Variants in AK6 observed in about 807,000 individuals in gnomAD.
The protein encoded by AK6 is adenylate kinase isoenzyme 6.
AK6 carries 24 observed loss-of-function variants against 23.7 expected under a neutral mutation model. The observed-to-expected ratio is 1.01, with a 90% CI of 0.73 to 1.43. The LOEUF (loss-of-function observed/expected upper bound fraction) is 1.43, where lower values mean the gene tolerates loss of function less well. Among genes scored for constraint, AK6 ranks in the 40% most tolerant of loss-of-function variants. The pLI, the probability that AK6 is intolerant of heterozygous loss-of-function variation, is 0.00. For synonymous variants in AK6, 73 were observed against 69.8 expected, an observed-to-expected ratio of 1.05 and a Z score of -0.23; for missense variants, 191 against 199.1, an observed-to-expected ratio of 0.96 and a Z score of 0.24.
At chr5:69,358,205 T>G (rs1762131676) in intron 2 of AK6, among the ~76,000 whole-genome samples, 1 of 152,192 alleles carries the variant, frequency 6.6e-6, no homozygotes, top group African/African-American at 2.4e-5. Flanking sequence ...GGAGGTTCCT[T>G]CATACTTTAA....
chr5:69,369,762 T>C, upstream of AK6: 23 of 1,476,340 alleles, frequency 1.6e-5, no homozygotes, highest in South Asian at 2.7e-4. Flanking sequence ...ACACACTCCT[T>C]CGGTGGTCCC....
Position 69,351,119 on chromosome 5 carries a change from C to CATCA in AK6, c.*938_*941dup, listed in dbSNP as rs1761941565. 1 of 152,198 alleles carries CATCA rather than the reference C, an allele frequency of 6.6e-6. No individual in the cohort carries two copies. Among genetic ancestry groups the CATCA allele is most frequent in the Non-Finnish European group, 1.5e-5 (1 of 68,042 alleles). The allele number at this position is 152,198 out of a possible 1,614,324, so 9.4% of individuals were successfully genotyped here. A position where few individuals can be genotyped will look rare whatever the true frequency, so the allele number is the denominator to read the frequency against. On this transcript the variant is annotated 3_prime_UTR_variant, in exon 5 of 5. Transcript: ENST00000380822. Reference sequence around the variant, plus strand: ...TAAAGGGTATAGGAGTTCCCTTTATCATCACTGCTTCCTCCACAGTGGTGA... The same window carrying CATCA: ...TAAAGGGTATAGGAGTTCCCTTTATCATCAATCACTGCTTCCTCCACAGTGGTGA...
At chr5:69,361,627 G>A (rs1379667385) in intron 2 of AK6, among the ~76,000 whole-genome samples, 1 of 147,630 alleles carries the variant, frequency 6.8e-6, no homozygotes, top group Admixed American at 6.8e-5. Context: ...TTTTGAGACT[G>A]AGTCTTGCTC....
At chr5:69,356,744 G>C (rs1022301286) in intron 2 of AK6, among the ~76,000 whole-genome samples, 1 of 152,084 alleles carries the variant, frequency 6.6e-6, no homozygotes, top group African/African-American at 2.4e-5. Flanking sequence ...AATAGAGAAG[G>C]GTCAGGATCC....
chr5:69,364,554 A>C (rs1220835644), intron 2 of AK6, among the ~76,000 whole-genome samples: 2 of 152,216 alleles, frequency 1.3e-5, no homozygotes, highest in Admixed American at 6.5e-5. Context: ...GAGAGAACAG[A>C]TCACAAGAGT....
chr5:69,369,267 T>C (rs1484185674), intron 1 of AK6, 196 bp downstream of exon 1: 1 of 106,946 alleles, frequency 9.4e-6, no homozygotes, highest in East Asian at 3.7e-4. Flanking sequence ...CCAACGGAAT[T>C]AACGTTCCGC....
intron 4 of AK6, among the ~76,000 whole-genome samples, chr5:69,354,272 C>T (rs1762024727): frequency 6.6e-6 from 1 of 152,104 alleles, no homozygotes; most frequent in Non-Finnish European, 1.5e-5. Flanking sequence ...CATATAGTCT[C>T]TATTACTTCT....
At chr5:69,368,784 C>T (rs960075721) in intron 1 of AK6, 4 of 152,170 alleles carry the variant, frequency 2.6e-5, no homozygotes, top group Non-Finnish European at 4.4e-5. Flanking sequence ...TCGTTAAAGT[C>T]GTTATGCAGC....
chr5:69,366,814 A>G, intron 1 of AK6: 1 of 520,550 alleles, frequency 1.9e-6, no homozygotes, highest in South Asian at 2.3e-5. Flanking sequence ...GCTGGAGTGC[A>G]GTGGCACAAT....
At chr5:69,365,171 T>C in intron 2 of AK6, 4 of 1,614,232 alleles carry the variant, frequency 2.5e-6, no homozygotes, top group Non-Finnish European at 3.4e-6. Flanking sequence ...TAGGCATCTG[T>C]ACTGTAAACC....
At chr5:69,361,074 T>C (rs567862904) in intron 2 of AK6, among the ~76,000 whole-genome samples, 11 of 152,184 alleles carry the variant, frequency 7.2e-5, no homozygotes, top group African/African-American at 2.6e-4. Flanking sequence ...TGATTGTATA[T>C]AGGAAAGGGT....
At chr5:69,369,380 C>T (rs917480036) in intron 1 of AK6, 83 bp downstream of exon 1, 16 of 1,523,144 alleles carry the variant, frequency 1.1e-5, no homozygotes, top group Middle Eastern at 2.3e-4. Flanking sequence ...CAGTGAGGGG[C>T]CCCCACCTGG....
At chr5:69,368,215 A>T (rs1762585243) in intron 1 of AK6, among the ~76,000 whole-genome samples, 1 of 152,168 alleles carries the variant, frequency 6.6e-6, no homozygotes. Context: ...CTTTTACATA[A>T]ATGACAATAC....
At chr5:69,353,432 G>A (rs1169308065) in intron 4 of AK6, among the ~76,000 whole-genome samples, 1 of 152,064 alleles carries the variant, frequency 6.6e-6, no homozygotes, top group Non-Finnish European at 1.5e-5. Context: ...TGAGTAGCTG[G>A]GATTACAGGT....
rs1432537603 is a variant in AK6, at chr5:69,355,777, A to G, written c.198T>C (p.Asp66=). 1.9e-6 allele frequency: 3 copies of G among 1,608,808 alleles called. No individual in the cohort carries two copies. Among genetic ancestry groups the G allele is most frequent in the Non-Finnish European group, 2.5e-6 (3 of 1,178,676 alleles). ...TAACTCCACCTTCTCTCATTTGGTT[A>G]TCTAACTCATCAACTACCTGTAAGA... The part of the protein sequence containing the change: ...LDEDRVVDEL[D]NQMREGGVIV... The change falls in exon 4 of 5, where the codon GAT becomes GAC. Residue 66 remains aspartate (D), a synonymous_variant. Transcript: ENST00000380822.
chr5:69,364,612 T>G, intron 2 of AK6: 2 of 384,470 alleles, frequency 5.2e-6, no homozygotes, highest in Non-Finnish European at 4.8e-6. Flanking sequence ...CTGAAGACGT[T>G]TAAGGTGACA....
chr5:69,366,396 T>C (rs773484191), intron 2 of AK6, 107 bp downstream of exon 2: 112 of 806,530 alleles, frequency 1.4e-4, no homozygotes, highest in Middle Eastern at 3.8e-4. Context: ...TATTCTTTAA[T>C]GGCAATCTCT....
chr5:69,362,564 G>A (rs1318771734), intron 2 of AK6, among the ~76,000 whole-genome samples: 1 of 152,162 alleles, frequency 6.6e-6, no homozygotes, highest in Non-Finnish European at 1.5e-5. Flanking sequence ...CAAGGTGGGA[G>A]GATCACTTGA....
intron 2 of AK6, chr5:69,364,976 GTCA>G (rs558584166): frequency 3.1e-4 from 497 of 1,612,630 alleles, no homozygotes; most frequent in Middle Eastern, 5.0e-4. Context: ...CATCATCATC[GTCA>G]TCATCATCAT....
Sources: gnomAD v4.1 joint callset for allele counts (sites outside exome capture counted in the v4.1 genomes callset) on GRCh38, gnomAD v4.1.1 for gene constraint, MANE v1.5 for transcripts, NCBI Gene and HGNC (gene_info 2026-07-23, HGNC 2026-07-21) for gene names.